MSRB3: variants seen among roughly 807,000 people sequenced by gnomAD.
MSRB3 encodes the protein methionine-R-sulfoxide reductase B3.
In MSRB3, 13 loss-of-function variants were observed where a neutral mutation model predicts 21.0. That is an observed-to-expected ratio of 0.62 (90% CI 0.40 to 0.98). The LOEUF (loss-of-function observed/expected upper bound fraction) is 0.98, where lower values mean the gene tolerates loss of function less well. Among genes scored for constraint, MSRB3 ranks in the 50% least tolerant of loss-of-function variants. The probability of loss-of-function intolerance (pLI) is 0.00; values close to 1 mark genes in which losing one functional copy is unlikely to be tolerated. For synonymous variants in MSRB3, 87 were observed against 88.6 expected, an observed-to-expected ratio of 0.98 and a Z score of 0.10; for missense variants, 199 against 230.3, an observed-to-expected ratio of 0.86 and a Z score of 0.88.
intron 2 of MSRB3, among the ~76,000 whole-genome samples, chr12:65,325,326 G>A (rs1351932901): frequency 6.6e-6 from 1 of 152,210 alleles, no homozygotes; most frequent in Non-Finnish European, 1.5e-5. Flanking sequence ...TGCCATTAGT[G>A]ACATGCCTGC....
At chr12:65,289,748 T>C (rs1342863429) in intron 1 of MSRB3, among the ~76,000 whole-genome samples, 6 of 152,276 alleles carry the variant, frequency 3.9e-5, no homozygotes, top group Non-Finnish European at 8.8e-5. Context: ...TTTCTTTATA[T>C]CCATGTGTAC....
At chr12:65,459,459 AACTG>A (rs1883226450) in intron 6 of MSRB3, among the ~76,000 whole-genome samples, 1 of 152,174 alleles carries the variant, frequency 6.6e-6, no homozygotes, top group Non-Finnish European at 1.5e-5. Flanking sequence ...CATAATGCTA[AACTG>A]GTGACTTCAC....
rs182474781 is a variant in MSRB3 at position 65,289,270 on chromosome 12, G to A, written c.-52+10405G>A. Among the ~76,000 whole-genome samples the A allele has an allele frequency of 1.9e-3, 283 of 152,266 alleles. 3 individuals are homozygous for A. The highest frequency in any genetic ancestry group is 1.4e-3 in the Non-Finnish European group (92 of 68,012). On this transcript the variant is annotated intron_variant, in intron 1 of 6. Coordinates refer to ENST00000308259, the MANE Select transcript of MSRB3 (RefSeq NM_001031679.3). ...AGCACTTTGGGAGGCTGAGGTGGGC[G>A]GATCACCTGAGGTCAGGAGTTCGAG...
At chr12:65,374,899 G>A (rs138876397) in intron 5 of MSRB3, among the ~76,000 whole-genome samples, 53 of 152,244 alleles carry the variant, frequency 3.5e-4, no homozygotes, top group Middle Eastern at 3.4e-3. Flanking sequence ...GCCCAGGCTG[G>A]AGTGCAGTGG....
At chr12:65,340,227 G>C (rs1174925850) in intron 4 of MSRB3, among the ~76,000 whole-genome samples, 1 of 152,158 alleles carries the variant, frequency 6.6e-6, no homozygotes, top group Non-Finnish European at 1.5e-5. Context: ...AAACACAACA[G>C]ATGAATTTAA....
At chr12:65,356,120 G>A (rs1592559390) in intron 4 of MSRB3, among the ~76,000 whole-genome samples, 1 of 151,750 alleles carries the variant, frequency 6.6e-6, no homozygotes, top group Non-Finnish European at 1.5e-5. Context: ...TTGCTTGGGG[G>A]CTTACTATAG....
intron 5 of MSRB3, among the ~76,000 whole-genome samples, chr12:65,385,465 A>G (rs753954958): frequency 6.6e-6 from 1 of 152,048 alleles, no homozygotes; most frequent in Non-Finnish European, 1.5e-5. Context: ...GATATCTTAT[A>G]GCACCATTTT....
At chr12:65,447,550 C>A (rs1442242678) in intron 5 of MSRB3, among the ~76,000 whole-genome samples, 3 of 152,162 alleles carry the variant, frequency 2.0e-5, no homozygotes, top group Non-Finnish European at 4.4e-5. Flanking sequence ...AATGCAATGT[C>A]ATTTATATAA....
At chr12:65,299,349 T>G (rs948003179) in intron 1 of MSRB3, among the ~76,000 whole-genome samples, 2 of 152,222 alleles carry the variant, frequency 1.3e-5, no homozygotes, top group South Asian at 4.1e-4. Context: ...TTTCATATAC[T>G]AGTCCAAGGT....
At chr12:65,428,216 G>A (rs1438251702) in intron 5 of MSRB3, among the ~76,000 whole-genome samples, 1 of 152,190 alleles carries the variant, frequency 6.6e-6, no homozygotes, top group African/African-American at 2.4e-5. Flanking sequence ...CCACATGGCT[G>A]ATTCAGACAA....
At chr12:65,445,408 A>G (rs974742326) in intron 5 of MSRB3, among the ~76,000 whole-genome samples, 2 of 149,320 alleles carry the variant, frequency 1.3e-5, no homozygotes, top group African/African-American at 5.0e-5. Context: ...GTGGCCCCCA[A>G]TCATCATTTT....
At chr12:65,407,623 A>G (rs1880485480) in intron 5 of MSRB3, among the ~76,000 whole-genome samples, 1 of 152,068 alleles carries the variant, frequency 6.6e-6, no homozygotes, top group South Asian at 2.1e-4. Context: ...CTCAGCCATT[A>G]TTACTTTAAA....
chr12:65,357,625 C>A (rs1229214336), intron 4 of MSRB3, among the ~76,000 whole-genome samples: 1 of 151,848 alleles, frequency 6.6e-6, no homozygotes, highest in East Asian at 1.9e-4. Flanking sequence ...CACATTTAGT[C>A]CTTCTGTCTC....
In MSRB3 at chr12:65,334,040, C is replaced by CT. The variant is rs986296140; in HGVS notation, c.263+5445dup. 1.2e-3 allele frequency among the ~76,000 whole-genome samples: 185 copies of CT among 152,150 alleles called. 1 individual carries two copies. Among genetic ancestry groups the CT allele is most frequent in the African/African-American group, 4.4e-3 (181 of 41,522 alleles). ...TTAATTAACAGCCTCAGTGGGAACT[C>CT]TTTTTTTTCCTTGTTAGCGGATAAA... On this transcript the variant is annotated intron_variant, in intron 4 of 6. Transcript: ENST00000308259.
Position 65,463,920 on chromosome 12 carries a change from T to C in MSRB3, c.*598T>C, listed in dbSNP as rs1371427142. The C allele has an allele frequency of 6.5e-6, 1 of 153,862 alleles. No individual in the cohort carries two copies. The highest frequency in any genetic ancestry group is 1.4e-5 in the Non-Finnish European group (1 of 69,290). 9.5% of individuals were successfully genotyped at this position (153,862 alleles called of 1,614,324 possible). Reference sequence around the variant, plus strand: ...CAGATCCAAAGGGGCATACTGAGTGTTGTGGCAGAGAAGTAAACATTACCA... The same window carrying C: ...CAGATCCAAAGGGGCATACTGAGTGCTGTGGCAGAGAAGTAAACATTACCA... On this transcript the variant is annotated 3_prime_UTR_variant, in exon 7 of 7. Coordinates refer to ENST00000308259, the MANE Select transcript of MSRB3 (RefSeq NM_001031679.3).
At chr12:65,445,022 G>A (rs112270099) in intron 5 of MSRB3, among the ~76,000 whole-genome samples, 140 of 152,002 alleles carry the variant, frequency 9.2e-4, no homozygotes, top group Non-Finnish European at 1.8e-3. Context: ...TCATTTCTGA[G>A]CCCACATATT....
At chr12:65,362,970 T>C (rs1877798996) in intron 4 of MSRB3, among the ~76,000 whole-genome samples, 1 of 152,096 alleles carries the variant, frequency 6.6e-6, no homozygotes, top group Non-Finnish European at 1.5e-5. Context: ...TCTGAAAAAT[T>C]TCCATGTGTT....
intron 2 of MSRB3, among the ~76,000 whole-genome samples, chr12:65,321,610 T>C (rs1187219745): frequency 1.3e-5 from 2 of 152,172 alleles, no homozygotes; most frequent in African/African-American, 4.8e-5. Flanking sequence ...GCTTTGTAGG[T>C]TTGTCTTATC....
At chr12:65,367,459 TAAG>T (rs1417807221) in intron 4 of MSRB3, among the ~76,000 whole-genome samples, 1 of 152,224 alleles carries the variant, frequency 6.6e-6, no homozygotes, top group Admixed American at 6.5e-5. Context: ...TCTATACAGT[TAAG>T]AAGGAGAAAG....
Sources: allele counts gnomAD v4.1 joint callset (sites outside exome capture counted in the v4.1 genomes callset), GRCh38; gene constraint gnomAD v4.1.1; transcripts MANE v1.5; gene names NCBI Gene and HGNC (gene_info 2026-07-23, HGNC 2026-07-21).